Variants in TMEM74 observed in about 807,000 individuals in gnomAD.
TMEM74 encodes the protein transmembrane protein 74.
In TMEM74, 13 loss-of-function variants were observed where a neutral mutation model predicts 18.1. That is an observed-to-expected ratio of 0.72 (90% CI 0.47 to 1.14). The LOEUF is 1.14. Ranked by LOEUF, TMEM74 falls within the 50% of genes most tolerant of loss-of-function variation. The probability of loss-of-function intolerance (pLI) is 0.00; values close to 1 mark genes in which losing one functional copy is unlikely to be tolerated. For synonymous variants in TMEM74, 159 were observed against 146.6 expected (o/e 1.08, Z -0.61); for missense variants, 372 against 375.9 (o/e 0.99, Z 0.09).
chr8:108,704,163 T>C (rs1176783373), intron 1 of TMEM74, among the ~76,000 whole-genome samples: 2 of 152,216 alleles, frequency 1.3e-5, no homozygotes, highest in East Asian at 3.8e-4. Context: ...AGAAGAGAGT[T>C]AGTAATAACA....
intron 1 of TMEM74, among the ~76,000 whole-genome samples, chr8:108,677,932 A>T (rs1437220906): frequency 6.6e-6 from 1 of 152,006 alleles, no homozygotes; most frequent in African/African-American, 2.4e-5. Context: ...ATTTATTGTT[A>T]TTTTTTTCTA....
rs372354004 is a variant in TMEM74 at position 108,737,104 on chromosome 8, A to C, written n.119+50372T>G. Among the ~76,000 whole-genome samples, 64 of 152,264 alleles carry C rather than the reference A, an allele frequency of 4.2e-4. 1 individual carries two copies. The South Asian group carries it at 0.013, about 32-fold the overall frequency. Reference sequence around the variant, plus strand: ...TTAAAGTGTTACTTTAGAAGGCAGGATCATGTAGGTGAAAATATACTGACC... The same window carrying C: ...TTAAAGTGTTACTTTAGAAGGCAGGCTCATGTAGGTGAAAATATACTGACC... On this transcript the variant is annotated intron_variant and non_coding_transcript_variant, in intron 1 of 3. Transcript: ENST00000518838.
At chr8:108,628,345 T>G (rs1563735607) in intron 2 of TMEM74, among the ~76,000 whole-genome samples, 1 of 152,066 alleles carries the variant, frequency 6.6e-6, no homozygotes, top group Non-Finnish European at 1.5e-5. Context: ...GTTCTCGTCC[T>G]GCAAAAACTC....
chr8:108,610,816 GT>G (rs1812327271), intron 2 of TMEM74, among the ~76,000 whole-genome samples: 1 of 152,182 alleles, frequency 6.6e-6, no homozygotes, highest in Non-Finnish European at 1.5e-5. Context: ...TGAATAAGTT[GT>G]ATGAGAGGCC....
chr8:108,727,882 G>A (rs1327469769), intron 1 of TMEM74, among the ~76,000 whole-genome samples: 1 of 152,186 alleles, frequency 6.6e-6, no homozygotes, highest in African/African-American at 2.4e-5. Context: ...AAGTAAGTCA[G>A]GGGAATGTGG....
chr8:108,676,471 G>A (rs1330137503), intron 1 of TMEM74, among the ~76,000 whole-genome samples: 1 of 152,048 alleles, frequency 6.6e-6, no homozygotes, highest in Non-Finnish European at 1.5e-5. Flanking sequence ...CCTCTGCCTA[G>A]GAGGCATGCA....
At chr8:108,657,854 AAAAAAATATATAT>A (rs1486500754) in intron 1 of TMEM74, among the ~76,000 whole-genome samples, 2 of 58,078 alleles carry the variant, frequency 3.4e-5, no homozygotes, top group East Asian at 1.3e-3. Flanking sequence ...AAAAAAAAAA[AAAAAAATATATAT>A]ATATATATAT....
At chr8:108,671,933 C>G (rs1304375018) in intron 1 of TMEM74, among the ~76,000 whole-genome samples, 3 of 152,134 alleles carry the variant, frequency 2.0e-5, no homozygotes, top group African/African-American at 7.2e-5. Context: ...AATTGAAAAC[C>G]TGCCTGCTTT....
rs930188746 is a variant in TMEM74, at chr8:108,779,262, C to T, written c.*4919G>A. Among the ~76,000 whole-genome samples, 7 of 152,086 alleles carry T rather than the reference C, an allele frequency of 4.6e-5. No homozygotes were observed. Among genetic ancestry groups the T allele is most frequent in the East Asian group, 3.9e-4 (2 of 5,180 alleles). ...GGCAAGAAAAGTAAAATTAACAGCA[C>T]GATGAGAACCACAGGGTACAAACTC... is the stretch of plus-strand genomic sequence containing the variant. On this transcript the variant is annotated 3_prime_UTR_variant, in exon 2 of 2. Transcript: ENST00000297459.
intron 1 of TMEM74, among the ~76,000 whole-genome samples, chr8:108,730,087 G>A (rs563430730): frequency 1.3e-5 from 2 of 152,276 alleles, no homozygotes; most frequent in East Asian, 3.9e-4. Context: ...GCCTTTGTGG[G>A]CATTGCCTTT....
intron 2 of TMEM74, among the ~76,000 whole-genome samples, chr8:108,622,819 G>T (rs1404543503): frequency 6.6e-6 from 1 of 152,044 alleles, no homozygotes; most frequent in Admixed American, 6.6e-5. Flanking sequence ...ACATATTTCA[G>T]AATGTCAAAT....
chr8:108,657,332 C>T (rs1812829516), intron 1 of TMEM74, among the ~76,000 whole-genome samples: 1 of 151,934 alleles, frequency 6.6e-6, no homozygotes, highest in South Asian at 2.1e-4. Flanking sequence ...CTCTTGCTTA[C>T]AAGCAGGAGA....
chr8:108,701,932 A>G (rs1037740330), intron 1 of TMEM74, among the ~76,000 whole-genome samples: 2 of 152,180 alleles, frequency 1.3e-5, no homozygotes, highest in African/African-American at 4.8e-5. Flanking sequence ...GTGGTAAAAA[A>G]ATCCATAATA....
intron 1 of TMEM74, among the ~76,000 whole-genome samples, chr8:108,684,164 T>C (rs773566390): frequency 2.0e-5 from 3 of 152,136 alleles, no homozygotes; most frequent in Non-Finnish European, 4.4e-5. Context: ...TTGTAGTTTC[T>C]TGAGGAACCT....
Position 108,632,443 on chromosome 8 carries a change from T to C in TMEM74, n.264+22850A>G, listed in dbSNP as rs1812561958. Among the ~76,000 whole-genome samples the C allele has an allele frequency of 3.9e-5, 6 of 152,156 alleles. No individual in the cohort carries two copies. The South Asian group carries it at 1.2e-3, about 32-fold the overall frequency. ...CCATGTTTACCAATGACAATGCATA[T>C]ATTTATCATTAGAAAATGCAATGAT... On this transcript the variant is annotated intron_variant and non_coding_transcript_variant, in intron 2 of 3. Transcript: ENST00000518838.
chr8:108,747,535 TTCTCTC>T lies in TMEM74; in HGVS notation n.119+39935_119+39940del, dbSNP rs368524691. On this transcript the variant is annotated intron_variant and non_coding_transcript_variant, in intron 1 of 3. Transcript: ENST00000518838. ...ATGATCTCCAGCAGCAGAAGCACAC[TTCTCTC>T]TCTCTCTCTCTCTCTTTTTTTTAAA... is the stretch of plus-strand genomic sequence containing the variant. Among the ~76,000 whole-genome samples, 95 of 150,062 alleles carry T rather than the reference TTCTCTC, an allele frequency of 6.3e-4. 1 individual carries two copies. Among genetic ancestry groups the T allele is most frequent in the African/African-American group, 1.5e-3 (62 of 41,016 alleles).
At chr8:108,753,372 C>G (rs963952591) in intron 1 of TMEM74, among the ~76,000 whole-genome samples, 3 of 151,942 alleles carry the variant, frequency 2.0e-5, no homozygotes, top group African/African-American at 7.2e-5. Flanking sequence ...GCCTGGATGT[C>G]TAAGAATAAA....
chr8:108,632,790 A>T (rs1227848772), intron 2 of TMEM74, among the ~76,000 whole-genome samples: 1 of 151,998 alleles, frequency 6.6e-6, no homozygotes, highest in Non-Finnish European at 1.5e-5. Context: ...CAGTAACCTA[A>T]TGTGGGAGTC....
chr8:108,646,419 C>T (rs1328955985), intron 2 of TMEM74, among the ~76,000 whole-genome samples: 1 of 151,910 alleles, frequency 6.6e-6, no homozygotes, highest in Admixed American at 6.6e-5. Context: ...GTGTTGTCAC[C>T]AAGATTAAAT....
Sources: allele counts gnomAD v4.1 joint callset (sites outside exome capture counted in the v4.1 genomes callset), GRCh38; gene constraint gnomAD v4.1.1; transcripts MANE v1.5; gene names NCBI Gene and HGNC (gene_info 2026-07-23, HGNC 2026-07-21).